LHFPL3: variants seen among roughly 807,000 people sequenced by gnomAD.
The protein encoded by LHFPL3 is LHFPL tetraspan subfamily member 3 protein.
In LHFPL3, 5 loss-of-function variants were observed where a neutral mutation model predicts 19.3. The observed-to-expected ratio is 0.26, with a 90% CI of 0.14 to 0.54. The LOEUF is 0.54. LHFPL3 is among the 20% of genes least tolerant of loss of function. The pLI, the probability that LHFPL3 is intolerant of heterozygous loss-of-function variation, is 0.94. For missense variants in LHFPL3, 249 were observed against 307.4 expected (o/e 0.81, Z 1.42); for synonymous variants, 133 against 126.2 (o/e 1.05, Z -0.36).
intron 1 of LHFPL3, among the ~76,000 whole-genome samples, chr7:104,551,376 T>C (rs1419722474): frequency 2.0e-5 from 3 of 152,174 alleles, no homozygotes; most frequent in Non-Finnish European, 4.4e-5. Flanking sequence ...TCTCTTTCTC[T>C]AGTATGGCTT....
At chr7:104,406,430 C>A (rs534640982) in intron 1 of LHFPL3, among the ~76,000 whole-genome samples, 1 of 151,878 alleles carries the variant, frequency 6.6e-6, no homozygotes, top group African/African-American at 2.4e-5. Flanking sequence ...TATTGTCTAT[C>A]CACTATGTGC....
intron 2 of LHFPL3, among the ~76,000 whole-genome samples, chr7:104,779,918 T>G (rs1486707505): frequency 6.6e-6 from 1 of 152,222 alleles, no homozygotes; most frequent in African/African-American, 2.4e-5. Context: ...AGTGGGGTTT[T>G]TTTTTTAGCT....
intron 2 of LHFPL3, among the ~76,000 whole-genome samples, chr7:104,763,156 T>G (rs997903672): frequency 3.9e-5 from 6 of 152,176 alleles, no homozygotes; most frequent in African/African-American, 7.2e-5. Context: ...TGTCTTAAGC[T>G]CTGGGGCTTG....
chr7:104,564,687 A>T (rs142562091), intron 1 of LHFPL3, among the ~76,000 whole-genome samples: 53 of 152,298 alleles, frequency 3.5e-4, no homozygotes, highest in African/African-American at 1.2e-3. Flanking sequence ...TGTGAGTATG[A>T]ACCCAGTTTG....
At chr7:104,495,477 G>A (rs193240328) in intron 1 of LHFPL3, among the ~76,000 whole-genome samples, 194 of 152,232 alleles carry the variant, frequency 1.3e-3, no homozygotes, top group African/African-American at 4.3e-3. Context: ...TCCACCTTCC[G>A]GGTTCACGCC....
At chr7:104,866,952 T>C (rs1279192019) in intron 2 of LHFPL3, among the ~76,000 whole-genome samples, 2 of 152,212 alleles carry the variant, frequency 1.3e-5, no homozygotes, top group Non-Finnish European at 1.5e-5. Flanking sequence ...ACATGGAAAC[T>C]GAACAACCTG....
intron 2 of LHFPL3, among the ~76,000 whole-genome samples, chr7:104,840,094 T>C (rs1356495502): frequency 6.6e-6 from 1 of 152,002 alleles, no homozygotes; most frequent in Non-Finnish European, 1.5e-5. Flanking sequence ...TTATCATTAT[T>C]ATCCAGTCAG....
At chr7:104,613,108 T>C (rs2216242) in intron 1 of LHFPL3, among the ~76,000 whole-genome samples, 147,558 of 152,324 alleles carry the variant, frequency 0.97, 71,618 homozygotes, top group East Asian at 1. Flanking sequence ...TTTTAAATAT[T>C]TTCAAAAGGA....
intron 1 of LHFPL3, among the ~76,000 whole-genome samples, chr7:104,420,916 A>T (rs1359016880): frequency 6.6e-6 from 1 of 152,158 alleles, no homozygotes; most frequent in Non-Finnish European, 1.5e-5. Context: ...GACAGAATGG[A>T]AGAGTAAGTA....
chr7:104,398,596 A>T (rs186029950), intron 1 of LHFPL3, among the ~76,000 whole-genome samples: 1 of 152,144 alleles, frequency 6.6e-6, no homozygotes, highest in African/African-American at 2.4e-5. Flanking sequence ...TCTCACATCC[A>T]TCCTACATTT....
chr7:104,875,055 C>T (rs1791911221), intron 2 of LHFPL3, among the ~76,000 whole-genome samples: 2 of 151,882 alleles, frequency 1.3e-5, no homozygotes, highest in African/African-American at 4.8e-5. Context: ...ACTATTTTGC[C>T]CAGGCTGGTC....
At chr7:104,749,773 C>T (rs1204568262) in intron 2 of LHFPL3, among the ~76,000 whole-genome samples, 1 of 152,180 alleles carries the variant, frequency 6.6e-6, no homozygotes, top group African/African-American at 2.4e-5. Context: ...GTAAAGCCTC[C>T]AGTTTTTGTT....
chr7:104,892,402 C>G (rs1314759624), intron 2 of LHFPL3, among the ~76,000 whole-genome samples: 1 of 152,034 alleles, frequency 6.6e-6, no homozygotes, highest in Non-Finnish European at 1.5e-5. Flanking sequence ...GACAATTTTT[C>G]TTTTTCAGAG....
intron 1 of LHFPL3, among the ~76,000 whole-genome samples, chr7:104,509,624 GTAT>G (rs1793771464): frequency 6.6e-6 from 1 of 152,028 alleles, no homozygotes; most frequent in Non-Finnish European, 1.5e-5. Context: ...CTTACAGCTA[GTAT>G]TATACATAAT....
chr7:104,370,420 C>G (rs1246366469), intron 1 of LHFPL3, among the ~76,000 whole-genome samples: 1 of 152,194 alleles, frequency 6.6e-6, no homozygotes, highest in Non-Finnish European at 1.5e-5. Flanking sequence ...CTCCCCTTTC[C>G]ATACCACTGG....
At chr7:104,573,060 G>A (rs554202587) in intron 1 of LHFPL3, among the ~76,000 whole-genome samples, 3 of 152,054 alleles carry the variant, frequency 2.0e-5, no homozygotes, top group African/African-American at 7.2e-5. Context: ...TTCATTAAAG[G>A]TACTATAGGA....
chr7:104,529,890 C>G (rs898413239), intron 1 of LHFPL3, among the ~76,000 whole-genome samples: 1 of 152,040 alleles, frequency 6.6e-6, no homozygotes, highest in Admixed American at 6.5e-5. Context: ...GACAGAGATG[C>G]AGGTAAAATG....
intron 1 of LHFPL3, among the ~76,000 whole-genome samples, chr7:104,408,133 C>T (rs564525070): frequency 2.0e-5 from 3 of 152,264 alleles, no homozygotes; most frequent in African/African-American, 7.2e-5. Context: ...TATGAGTGGG[C>T]TTTTTCTTAC....
chr7:104,328,673 C>T lies in LHFPL3; in HGVS notation c.-107C>T. 2.1e-6 allele frequency: 2 copies of T among 939,194 alleles called. No homozygotes were observed. Among genetic ancestry groups the T allele is most frequent in the Non-Finnish European group, 3.2e-6 (2 of 620,858 alleles). The allele number at this position is 939,194 out of a possible 1,614,324, so 58.2% of individuals were successfully genotyped here. On this transcript the variant is annotated 5_prime_UTR_variant, in exon 1 of 3. Coordinates refer to ENST00000424859, the MANE Select transcript of LHFPL3 (RefSeq NM_199000.3). The surrounding 1 kb of genome is among the most constrained non-coding windows in gnomAD (Gnocchi z 4.6). The stretch of plus-strand genomic sequence containing the variant: ...TGGTGCTGCTGGGCTGAGGCGGAGG[C>T]AGGGGAGTTGCAGCGCGCGAGGCTC...
Sources: gnomAD v4.1 joint callset for allele counts (sites outside exome capture counted in the v4.1 genomes callset) on GRCh38, gnomAD v4.1.1 for gene constraint, Gnocchi (gnomAD v3.1) non-coding constraint, MANE v1.5 for transcripts, NCBI Gene and HGNC (gene_info 2026-07-23, HGNC 2026-07-21) for gene names.